Variants in KIAA0825 observed in about 807,000 individuals in gnomAD.
The protein encoded by KIAA0825 is KIAA0825.
In KIAA0825, 119 loss-of-function variants were observed where a neutral mutation model predicts 147.6. The observed-to-expected ratio is 0.81, with a 90% CI of 0.69 to 0.94. KIAA0825 has a LOEUF of 0.94. Ranked by LOEUF, KIAA0825 falls within the 40% of genes least tolerant of loss-of-function variation. The pLI is 0.00. For missense variants in KIAA0825, 1,381 were observed against 1,472.7 expected (o/e 0.94, Z 1.02); for synonymous variants, 470 against 518.1 (o/e 0.91, Z 1.26).
chr5:94,277,611 ATGC>A (rs1441685040), intron 20 of KIAA0825, among the ~76,000 whole-genome samples: 1 of 152,136 alleles, frequency 6.6e-6, no homozygotes, highest in African/African-American at 2.4e-5. Flanking sequence ...GAAACAATAG[ATGC>A]TGGAGAGGAT....
intron 20 of KIAA0825, among the ~76,000 whole-genome samples, chr5:94,171,287 A>G (rs1228358673): frequency 6.6e-6 from 1 of 152,094 alleles, no homozygotes; most frequent in Non-Finnish European, 1.5e-5. Flanking sequence ...GCCTGCCGCC[A>G]TCCTTGTAAG....
At chr5:94,400,247 T>A (rs1562460124) in intron 16 of KIAA0825, among the ~76,000 whole-genome samples, 2 of 152,170 alleles carry the variant, frequency 1.3e-5, no homozygotes. Context: ...TTTATATTTT[T>A]AAGAAAAGCA....
intron 20 of KIAA0825, among the ~76,000 whole-genome samples, chr5:94,306,061 C>A (rs975242499): frequency 2.0e-5 from 3 of 151,594 alleles, no homozygotes; most frequent in African/African-American, 7.3e-5. Flanking sequence ...TTTAAAAATT[C>A]CTAAAGTTTG....
chr5:94,463,868 G>GCCC (rs1355894993), intron 11 of KIAA0825, among the ~76,000 whole-genome samples: 1 of 151,842 alleles, frequency 6.6e-6, no homozygotes, highest in Non-Finnish European at 1.5e-5. Context: ...ATAAGGAAAA[G>GCCC]AATGAAGGTA....
At chr5:94,515,737 A>T (rs1214264668) in intron 5 of KIAA0825, among the ~76,000 whole-genome samples, 1 of 149,098 alleles carries the variant, frequency 6.7e-6, no homozygotes, top group Non-Finnish European at 1.5e-5. Context: ...GGTTGCAGTG[A>T]GCCGAGATTG....
intron 1 of KIAA0825, among the ~76,000 whole-genome samples, chr5:94,589,404 A>G (rs1290898834): frequency 6.6e-6 from 1 of 152,186 alleles, no homozygotes; most frequent in African/African-American, 2.4e-5. Context: ...GCCTTTCCAT[A>G]TAATTTTAAA....
intron 1 of KIAA0825, among the ~76,000 whole-genome samples, chr5:94,608,167 A>G (rs72773510): frequency 0.017 from 2,596 of 151,468 alleles, 43 homozygotes; most frequent in Non-Finnish European, 0.024. Flanking sequence ...CACAGTACTC[A>G]TTGTATTTTT....
At chr5:94,542,806 C>T (rs1561290598) in intron 2 of KIAA0825, among the ~76,000 whole-genome samples, 1 of 148,934 alleles carries the variant, frequency 6.7e-6, no homozygotes, top group Admixed American at 6.7e-5. Flanking sequence ...GATTCCCTCT[C>T]AAAAAAAAGA....
chr5:94,578,679 A>G (rs935557870), intron 2 of KIAA0825, among the ~76,000 whole-genome samples: 4 of 152,204 alleles, frequency 2.6e-5, no homozygotes, highest in Non-Finnish European at 1.5e-5. Flanking sequence ...GAAAAATAAA[A>G]ATGTATTTTA....
intron 1 of KIAA0825, chr5:94,611,980 A>ACC (rs1788935284): frequency 6.6e-6 from 1 of 152,162 alleles, no homozygotes; most frequent in African/African-American, 2.4e-5. Context: ...GATTTACACT[A>ACC]TATTTATAGG....
chr5:94,397,696 G>A (rs746109861), intron 16 of KIAA0825, among the ~76,000 whole-genome samples: 1 of 152,130 alleles, frequency 6.6e-6, no homozygotes, highest in Admixed American at 6.6e-5. Context: ...CTAGATGTCA[G>A]TAGCATTCCC....
In KIAA0825 at chr5:94,483,802, G is replaced by A. The variant is rs369879422; in HGVS notation, c.1132+967C>T. Among the ~76,000 whole-genome samples, 27 of 151,862 alleles carry A rather than the reference G, an allele frequency of 1.8e-4. No homozygotes were observed. In the East Asian group the frequency reaches 4.2e-3, roughly 24 times the overall value. ...TTGTGACATTACTTACGTGGGCAAA[G>A]TAAGTAAAGGAATACAAGAGTAAAC... On this transcript the variant is annotated intron_variant, in intron 6 of 20. Coordinates refer to ENST00000682413, the MANE Select transcript of KIAA0825 (RefSeq NM_001145678.3).
At chr5:94,385,190 A>T (rs746915666) in intron 19 of KIAA0825, among the ~76,000 whole-genome samples, 3 of 152,192 alleles carry the variant, frequency 2.0e-5, no homozygotes, top group Non-Finnish European at 2.9e-5. Context: ...ATAAACTCAA[A>T]CTTAGTACAT....
At chr5:94,330,581 T>C (rs2150287113) in intron 20 of KIAA0825, among the ~76,000 whole-genome samples, 1 of 152,228 alleles carries the variant, frequency 6.6e-6, no homozygotes, top group Admixed American at 6.5e-5. Flanking sequence ...GGGAAATTTA[T>C]AACATTAAAT....
Position 94,516,895 on chromosome 5 carries a change from G to C in KIAA0825, c.970+3353C>G, listed in dbSNP as rs1011790473. On this transcript the variant is annotated intron_variant, in intron 5 of 20. Coordinates refer to ENST00000682413, the MANE Select transcript of KIAA0825 (RefSeq NM_001145678.3). ...GCGGGTGGATCACCTGAGGTCAGGA[G>C]TTGGAGACCAGCCTGACCAAAATGG... 5.3e-5 allele frequency among the ~76,000 whole-genome samples: 8 copies of C among 152,128 alleles called. No homozygotes were observed. In the East Asian group the frequency reaches 1.5e-3, roughly 29 times the overall value.
chr5:94,588,024 A>G (rs888901042), intron 1 of KIAA0825, among the ~76,000 whole-genome samples: 2 of 152,140 alleles, frequency 1.3e-5, no homozygotes, highest in Admixed American at 1.3e-4. Flanking sequence ...CCTTCCTTAC[A>G]TCTGACCAAA....
intron 2 of KIAA0825, among the ~76,000 whole-genome samples, chr5:94,543,249 G>C (rs1271145706): frequency 6.6e-6 from 1 of 152,236 alleles, no homozygotes; most frequent in East Asian, 1.9e-4. Context: ...TTTGAGACCA[G>C]CCTGGCCAAC....
rs1584740708 is a variant in KIAA0825 at position 94,513,499 on chromosome 5, C to T, written c.970+6749G>A. ...AGATAACAGTGCAGTTTGGTGTTTG[C>T]TAATTCTTCCTATATGGAAGAAAAA... On this transcript the variant is annotated intron_variant, in intron 5 of 20. Coordinates refer to ENST00000682413, the MANE Select transcript of KIAA0825 (RefSeq NM_001145678.3). Among the ~76,000 whole-genome samples the T allele has an allele frequency of 2.0e-5, 3 of 152,122 alleles. No homozygotes were observed. The East Asian group carries it at 5.8e-4, about 29-fold the overall frequency.
intron 20 of KIAA0825, among the ~76,000 whole-genome samples, chr5:94,362,749 A>C (rs1301520748): frequency 2.0e-5 from 3 of 152,202 alleles, no homozygotes; most frequent in African/African-American, 7.2e-5. Flanking sequence ...TGCTATGTCT[A>C]GTGAATGTTT....
Sources: gnomAD v4.1 joint callset for allele counts (sites outside exome capture counted in the v4.1 genomes callset) on GRCh38, gnomAD v4.1.1 for gene constraint, MANE v1.5 for transcripts, NCBI Gene and HGNC (gene_info 2026-07-23, HGNC 2026-07-21) for gene names.